Variants in NKAIN2 observed in about 807,000 individuals in gnomAD.
The protein encoded by NKAIN2 is sodium/potassium-transporting ATPase subunit beta-1-interacting protein 2.
NKAIN2 carries 14 observed loss-of-function variants against 32.6 expected under a neutral mutation model. That is an observed-to-expected ratio of 0.43 (90% CI 0.28 to 0.67). The LOEUF is 0.67. Ranked by LOEUF, NKAIN2 falls within the 30% of genes least tolerant of loss-of-function variation. NKAIN2 has a pLI of 0.17. For missense variants in NKAIN2, 198 were observed against 258.3 expected, an observed-to-expected ratio of 0.77 and a Z score of 1.60; for synonymous variants, 80 against 87.2, an observed-to-expected ratio of 0.92 and a Z score of 0.46.
At chr6:124,235,995 G>A (rs2114753140) in intron 1 of NKAIN2, among the ~76,000 whole-genome samples, 1 of 151,946 alleles carries the variant, frequency 6.6e-6, no homozygotes, top group African/African-American at 2.4e-5. Context: ...CCATAACAGA[G>A]GCAGAAAATA....
intron 2 of NKAIN2, among the ~76,000 whole-genome samples, chr6:124,343,448 C>A (rs1334628061): frequency 6.6e-6 from 1 of 151,478 alleles, no homozygotes; most frequent in East Asian, 2.0e-4. Context: ...GTCCCACCAA[C>A]TGTGTAAAAG....
At chr6:124,138,993 G>T (rs1786986382) in intron 1 of NKAIN2, among the ~76,000 whole-genome samples, 1 of 150,598 alleles carries the variant, frequency 6.6e-6, no homozygotes, top group Admixed American at 6.6e-5. Flanking sequence ...TGAGTGACAG[G>T]TGCAACAAAA....
At chr6:124,575,953 G>A (rs11154246) in intron 3 of NKAIN2, among the ~76,000 whole-genome samples, 67,531 of 152,034 alleles carry the variant, frequency 0.44, 17,997 homozygotes, top group Non-Finnish European at 0.57. Context: ...GCAATGATGA[G>A]TTAAAGTGTT....
chr6:124,130,841 A>G (rs1429885151), intron 1 of NKAIN2, among the ~76,000 whole-genome samples: 7 of 152,202 alleles, frequency 4.6e-5, no homozygotes, highest in Admixed American at 3.9e-4. Context: ...ATGGATAGAA[A>G]GTGGATATAG....
At chr6:123,807,364 G>T (rs1773262202) in intron 1 of NKAIN2, among the ~76,000 whole-genome samples, 1 of 152,040 alleles carries the variant, frequency 6.6e-6, no homozygotes, top group African/African-American at 2.4e-5. Context: ...TTTATTCCAT[G>T]TGCAGAATCC....
At chr6:124,749,123 G>A (rs192581502) in intron 4 of NKAIN2, among the ~76,000 whole-genome samples, 2 of 151,856 alleles carry the variant, frequency 1.3e-5, no homozygotes, top group African/African-American at 4.8e-5. Flanking sequence ...TCATTTCCTT[G>A]CTATCAACTG....
intron 4 of NKAIN2, among the ~76,000 whole-genome samples, chr6:124,728,813 A>G (rs1776476706): frequency 6.6e-6 from 1 of 151,904 alleles, no homozygotes. Context: ...ACCGCTAGCA[A>G]GACTAATAAA....
At chr6:124,391,745 A>C (rs1773151520) in intron 3 of NKAIN2, among the ~76,000 whole-genome samples, 1 of 152,150 alleles carries the variant, frequency 6.6e-6, no homozygotes, top group Non-Finnish European at 1.5e-5. Context: ...TAATGTGAAA[A>C]GACCGAGTCT....
chr6:124,743,764 G>T (rs1037373462), intron 4 of NKAIN2, among the ~76,000 whole-genome samples: 1 of 151,770 alleles, frequency 6.6e-6, no homozygotes, highest in African/African-American at 2.4e-5. Flanking sequence ...CAAAGAGAAA[G>T]TTATCATCTG....
intron 3 of NKAIN2, among the ~76,000 whole-genome samples, chr6:124,383,084 A>G (rs1416191099): frequency 6.6e-6 from 1 of 152,160 alleles, no homozygotes; most frequent in Non-Finnish European, 1.5e-5. Context: ...TTGTTCCTCC[A>G]ATAGTGTCAC....
At chr6:124,158,638 C>A (rs552162843) in intron 1 of NKAIN2, among the ~76,000 whole-genome samples, 1 of 152,150 alleles carries the variant, frequency 6.6e-6, no homozygotes, top group Non-Finnish European at 1.5e-5. Flanking sequence ...ACACACAGAG[C>A]ACCTTGGAAT....
At chr6:124,277,717 G>C (rs1217002446) in intron 1 of NKAIN2, among the ~76,000 whole-genome samples, 1 of 152,036 alleles carries the variant, frequency 6.6e-6, no homozygotes, top group African/African-American at 2.4e-5. Flanking sequence ...CTTGAGAGTT[G>C]AGTCAATCTG....
chr6:124,350,412 G>GAA (rs555903871), intron 2 of NKAIN2, among the ~76,000 whole-genome samples: 2 of 150,988 alleles, frequency 1.3e-5, no homozygotes, highest in Admixed American at 6.6e-5. Flanking sequence ...ACTAAAATGA[G>GAA]AAAAAAAATG....
At chr6:124,199,962 T>TGAC (rs1790519666) in intron 1 of NKAIN2, among the ~76,000 whole-genome samples, 1 of 152,172 alleles carries the variant, frequency 6.6e-6, no homozygotes, top group South Asian at 2.1e-4. Context: ...TGTTATTGTT[T>TGAC]GACATTCTAA....
chr6:124,747,519 A>G (rs1172549095), intron 4 of NKAIN2, among the ~76,000 whole-genome samples: 1 of 151,870 alleles, frequency 6.6e-6, no homozygotes, highest in Admixed American at 6.6e-5. Context: ...CTTAGTGTGA[A>G]GGAGAGAAGT....
chr6:123,973,618 C>T (rs1214689907), intron 1 of NKAIN2, among the ~76,000 whole-genome samples: 1 of 152,030 alleles, frequency 6.6e-6, no homozygotes, highest in Non-Finnish European at 1.5e-5. Flanking sequence ...ATTCAAAACT[C>T]CAAATTCATA....
intron 1 of NKAIN2, among the ~76,000 whole-genome samples, chr6:123,841,800 A>G (rs1774883413): frequency 6.6e-6 from 1 of 152,204 alleles, no homozygotes; most frequent in African/African-American, 2.4e-5. Flanking sequence ...TAACAGTAGC[A>G]ATAGTCAAGG....
chr6:124,776,344 A>G (rs540380072), intron 4 of NKAIN2, among the ~76,000 whole-genome samples: 1 of 152,284 alleles, frequency 6.6e-6, no homozygotes, highest in South Asian at 2.1e-4. Flanking sequence ...GAGTTTGAAA[A>G]GAGCAGAAAT....
intron 3 of NKAIN2, among the ~76,000 whole-genome samples, chr6:124,628,422 G>A (rs1783439582): frequency 6.6e-6 from 1 of 152,058 alleles, no homozygotes; most frequent in Non-Finnish European, 1.5e-5. Flanking sequence ...TCTTCATTAT[G>A]TTGAAGAAAT....
Sources: gnomAD v4.1 joint callset for allele counts (sites outside exome capture counted in the v4.1 genomes callset) on GRCh38, gnomAD v4.1.1 for gene constraint, MANE v1.5 for transcripts, NCBI Gene and HGNC (gene_info 2026-07-23, HGNC 2026-07-21) for gene names.